The following EIF3E variants were observed in gnomAD, a reference collection of about 807,000 sequenced individuals.
The protein encoded by EIF3E is eIF-3 p48.
Under a neutral mutation model 59.3 loss-of-function variants are expected in EIF3E, and 25 were observed. The observed-to-expected ratio is 0.42, with a 90% CI of 0.31 to 0.59. The LOEUF (loss-of-function observed/expected upper bound fraction) is 0.59, where lower values mean the gene tolerates loss of function less well. Among genes scored for constraint, EIF3E ranks in the 20% least tolerant of loss-of-function variants. EIF3E has a pLI of 0.15. For missense variants in EIF3E, 317 were observed against 534.3 expected (o/e 0.59, Z 4.01); for synonymous variants, 176 against 170.2 (o/e 1.03, Z -0.26).
At chr8:108,244,532 A>T (rs538098073) in intron 1 of EIF3E, among the ~76,000 whole-genome samples, 1 of 152,152 alleles carries the variant, frequency 6.6e-6, no homozygotes, top group South Asian at 2.1e-4. Context: ...CATGTATCTC[A>T]TCTCCAAGAA....
intron 5 of EIF3E, chr8:108,231,947 T>A (rs1563634626): frequency 6.6e-6 from 1 of 151,854 alleles, no homozygotes; most frequent in Non-Finnish European, 1.5e-5. Context: ...TAATCTCAGA[T>A]CATAGTTACA....
At chr8:108,236,704 G>A (rs1003315172) in intron 3 of EIF3E, among the ~76,000 whole-genome samples, 1 of 152,076 alleles carries the variant, frequency 6.6e-6, no homozygotes, top group South Asian at 2.1e-4. Flanking sequence ...TCAAAAGGAC[G>A]ATTTGACAAA....
At chr8:108,240,568 C>T (rs1243815880) in intron 2 of EIF3E, among the ~76,000 whole-genome samples, 2 of 152,182 alleles carry the variant, frequency 1.3e-5, no homozygotes, top group Non-Finnish European at 2.9e-5. Flanking sequence ...CTCTTTTAAC[C>T]ACAAATCCAG....
At chr8:108,231,632 G>A (rs192157246) in intron 5 of EIF3E, among the ~76,000 whole-genome samples, 2 of 152,038 alleles carry the variant, frequency 1.3e-5, no homozygotes, top group Non-Finnish European at 2.9e-5. Context: ...GTATATTATG[G>A]AGCCAGATCA....
At chr8:108,214,553 A>AAATTTCCATTTATTGTG in intron 10 of EIF3E, 54 bp downstream of exon 10, 1 of 1,345,802 alleles carries the variant, frequency 7.4e-7, no homozygotes, top group Non-Finnish European at 1.0e-6. Context: ...CAATAAATGG[A>AAATTTCCATTTATTGTG]AATTTCCAGG....
At chr8:108,221,040 A>AAGGACAGGAC (rs1039574115) in intron 7 of EIF3E, among the ~76,000 whole-genome samples, 5 of 151,990 alleles carry the variant, frequency 3.3e-5, no homozygotes, top group Non-Finnish European at 7.4e-5. Flanking sequence ...ACAGACAGGA[A>AAGGACAGGAC]AGGACAGGAC....
At chr8:108,247,472 A>G (rs1372700386) in intron 1 of EIF3E, among the ~76,000 whole-genome samples, 2 of 152,222 alleles carry the variant, frequency 1.3e-5, no homozygotes, top group Admixed American at 6.5e-5. Flanking sequence ...ACATGACAAG[A>G]CATTCTTGGA....
chr8:108,217,541 C>T (rs1264726390), intron 7 of EIF3E, 81 bp from the exon 8 acceptor site: 6 of 1,164,896 alleles, frequency 5.2e-6, no homozygotes, highest in Non-Finnish European at 7.2e-6. Context: ...TTAGATTGTA[C>T]TATTTCACTA....
intron 7 of EIF3E, among the ~76,000 whole-genome samples, chr8:108,218,958 G>A (rs1815355952): frequency 1.3e-5 from 2 of 151,540 alleles, no homozygotes; most frequent in Non-Finnish European, 2.9e-5. Context: ...TAACTTTTTT[G>A]TATTTTTAGT....
At chr8:108,243,628 C>CA (rs1233122068) in intron 1 of EIF3E, among the ~76,000 whole-genome samples, 439 of 17,876 alleles carry the variant, frequency 0.025, 3 homozygotes, top group African/African-American at 0.064. Context: ...GACTCTGTCT[C>CA]AAAAAAAAAG....
At chr8:108,242,743 A>G (rs1815862034) in intron 1 of EIF3E, 1 of 922,668 alleles carries the variant, frequency 1.1e-6, no homozygotes, top group South Asian at 4.4e-5. Flanking sequence ...TGGCTAAAAG[A>G]TAGGCACTTC....
rs1375542005 is a variant in EIF3E, at chr8:108,228,389, A to G, written c.600T>C (p.Ser200=). 2 of 1,515,354 alleles carry G rather than the reference A, an allele frequency of 1.3e-6. No homozygotes were observed. Among genetic ancestry groups the G allele is most frequent in the Non-Finnish European group, 1.8e-6 (2 of 1,134,806 alleles). The allele number at this position is 1,515,354 out of a possible 1,614,324, so 93.9% of individuals were successfully genotyped here. A position where few individuals can be genotyped will look rare whatever the true frequency, so the allele number is the denominator to read the frequency against. ...TRLKETIDNN[S]VSSPLQSLQQ... ...GAAGAGACTGAAGTGGAGAACTCACAGACTAAAGGATTTAAAAATATATAC... is the reference window on the plus strand; with the variant it reads ...GAAGAGACTGAAGTGGAGAACTCACGGACTAAAGGATTTAAAAATATATAC... Residue 200 remains serine, a splice_region_variant and synonymous_variant, in exon 7 of 13, where the codon TCT becomes TCC. Transcript: ENST00000220849.
intron 8 of EIF3E, among the ~76,000 whole-genome samples, chr8:108,216,932 C>G (rs1316736159): frequency 6.6e-6 from 1 of 152,134 alleles, no homozygotes; most frequent in African/African-American, 2.4e-5. Context: ...AAATATCAAT[C>G]AGCATGGCTG....
At chr8:108,248,534 GACT>G in intron 1 of EIF3E, 76 bp downstream of exon 1, 1 of 1,430,122 alleles carries the variant, frequency 7.0e-7, no homozygotes, top group Admixed American at 1.7e-5. Flanking sequence ...TCAGGCCTAG[GACT>G]ACAGACACCA....
At chr8:108,206,293 C>CCAGCATGGG (rs760305737) in intron 10 of EIF3E, among the ~76,000 whole-genome samples, 17 of 151,660 alleles carry the variant, frequency 1.1e-4, no homozygotes, top group Non-Finnish European at 2.4e-4. Flanking sequence ...TCACTGCATT[C>CCAGCATGGG]CAGCATGGGC....
At chr8:108,206,268 T>G (rs897766760) in intron 10 of EIF3E, among the ~76,000 whole-genome samples, 4 of 151,584 alleles carry the variant, frequency 2.6e-5, no homozygotes, top group Non-Finnish European at 4.4e-5. Flanking sequence ...GAGGTTACAG[T>G]GAGCTGAGAT....
chr8:108,228,502 C>T (rs1482850186), intron 6 of EIF3E, 111 bp from the exon 7 acceptor site: 3 of 835,876 alleles, frequency 3.6e-6, no homozygotes, highest in Non-Finnish European at 5.0e-6. Context: ...CCTTCTAAGG[C>T]ATGCACGGAG....
intron 10 of EIF3E, among the ~76,000 whole-genome samples, chr8:108,210,279 T>C (rs909198857): frequency 6.6e-6 from 1 of 152,154 alleles, no homozygotes; most frequent in African/African-American, 2.4e-5. Context: ...TGCAAAAGAA[T>C]CACCTGAGAA....
chr8:108,205,055 T>A (rs1443731006), intron 10 of EIF3E, among the ~76,000 whole-genome samples: 8 of 152,172 alleles, frequency 5.3e-5, no homozygotes, highest in African/African-American at 1.9e-4. Context: ...GTAGTATACA[T>A]GCATGTATGT....
Sources: allele counts gnomAD v4.1 joint callset (sites outside exome capture counted in the v4.1 genomes callset), GRCh38; gene constraint gnomAD v4.1.1; transcripts MANE v1.5; gene names NCBI Gene and HGNC (gene_info 2026-07-23, HGNC 2026-07-21).